Variants in SLC9A2 observed in about 807,000 individuals in gnomAD.
The protein encoded by SLC9A2 is solute carrier family 9 member A2.
Under a neutral mutation model 71.7 loss-of-function variants are expected in SLC9A2, and 42 were observed. That is an observed-to-expected ratio of 0.59 (90% confidence interval 0.46 to 0.76). SLC9A2 has a LOEUF of 0.76. Among genes scored for constraint, SLC9A2 ranks in the 30% least tolerant of loss-of-function variants. The pLI is 0.00. For missense variants in SLC9A2, 829 were observed against 1,017.4 expected (o/e 0.81, Z 2.52); for synonymous variants, 396 against 392.5 (o/e 1.01, Z -0.10).
At position 102,657,002 on chromosome 2, in the gene SLC9A2, C is replaced by T. The variant is rs535145111; in HGVS notation, c.290-562C>T. Among the ~76,000 whole-genome samples, 152 of 152,142 alleles carry T rather than the reference C, an allele frequency of 1.0e-3. 1 individual carries two copies. The highest frequency in any genetic ancestry group is 3.2e-3 in the African/African-American group (134 of 41,504). On this transcript the variant is annotated intron_variant, in intron 1 of 11. Coordinates refer to ENST00000233969, the MANE Select transcript of SLC9A2 (RefSeq NM_003048.6). ...GGCGGATCACCTGAGGTCAGAAGTT[C>T]GAGACCAGCCTGGCCAACATGGCAA...
chr2:102,701,019 A>G lies in SLC9A2; in HGVS notation c.1587-51A>G, dbSNP rs1481273421. On this transcript the variant is annotated intron_variant, in intron 7 of 11. Transcript: ENST00000233969. ...GACTTCATTGGTAAAAACAACAACTATTTTCTTAGTCAATCCAGTATTAAT... is the reference window on the plus strand; with the variant it reads ...GACTTCATTGGTAAAAACAACAACTGTTTTCTTAGTCAATCCAGTATTAAT... 8.3e-6 allele frequency: 11 copies of G among 1,322,352 alleles called. No individual in the cohort carries two copies. The African/African-American group carries it at 1.3e-4, about 16-fold the overall frequency. The allele number at this position is 1,322,352 out of a possible 1,614,324, so 81.9% of individuals were successfully genotyped here. A position where few individuals can be genotyped will look rare whatever the true frequency, so the allele number is the denominator to read the frequency against.
intron 5 of SLC9A2, 29 bp downstream of exon 5, chr2:102,684,365 G>T: frequency 6.3e-7 from 1 of 1,588,494 alleles, no homozygotes; most frequent in Non-Finnish European, 8.6e-7. Flanking sequence ...TTACCAGGAG[G>T]GTAAAAAATA....
chr2:102,693,744 T>A (rs1055582757), intron 5 of SLC9A2, among the ~76,000 whole-genome samples: 6 of 152,224 alleles, frequency 3.9e-5, no homozygotes, highest in Non-Finnish European at 8.8e-5. Context: ...ACTTTGTAAC[T>A]GTTTTCGGAA....
At chr2:102,645,383 A>C (rs981933380) in intron 1 of SLC9A2, among the ~76,000 whole-genome samples, 10 of 152,124 alleles carry the variant, frequency 6.6e-5, no homozygotes, top group Non-Finnish European at 1.2e-4. Context: ...AAAAACCAGA[A>C]TGCCTCTTCT....
At chr2:102,671,317 C>T (rs751094567) in intron 3 of SLC9A2, among the ~76,000 whole-genome samples, 2 of 152,084 alleles carry the variant, frequency 1.3e-5, no homozygotes, top group Non-Finnish European at 2.9e-5. Context: ...CAAGACTGAC[C>T]ACTTTAAAAT....
At chr2:102,663,738 C>T (rs535679444) in intron 2 of SLC9A2, among the ~76,000 whole-genome samples, 5 of 152,288 alleles carry the variant, frequency 3.3e-5, no homozygotes, top group South Asian at 2.1e-4. Flanking sequence ...CCTTATCAGT[C>T]GGTTTTCCTG....
At position 102,683,294 on chromosome 2, in the gene SLC9A2, C is replaced by T. The variant is rs759425348; in HGVS notation, c.1038C>T (p.Tyr346=). The T allele has an allele frequency of 1.9e-5, 30 of 1,613,304 alleles. No individual in the cohort carries two copies. The highest frequency in any genetic ancestry group is 1.7e-4 in the Middle Eastern group (1 of 6,060). ...CTTGTGCAATGACTATGAATAAGTA[C>T]GTAGAAGAAAATGTATCTCAGAAAT... ...ITACAMTMNK[Y]VEENVSQKSY... Residue 346 remains tyrosine, a synonymous_variant, in exon 4 of 12, where the codon TAC becomes TAT. Transcript: ENST00000233969.
At position 102,710,883 on chromosome 2, in the gene SLC9A2, T is replaced by G. The variant is rs1420877256; in HGVS notation, c.*2394T>G. 6.6e-6 allele frequency: 1 copy of G among 152,356 alleles called. No homozygotes were observed. The highest frequency in any genetic ancestry group is 6.5e-5 in the Admixed American group (1 of 15,284). The allele number at this position is 152,356 out of a possible 1,614,324, so 9.4% of individuals were successfully genotyped here. On this transcript the variant is annotated 3_prime_UTR_variant, in exon 12 of 12. Coordinates refer to ENST00000233969, the MANE Select transcript of SLC9A2 (RefSeq NM_003048.6). The stretch of plus-strand genomic sequence containing the variant: ...GTGGATCTTTGATAGGTCTTTGGTG[T>G]TGGTTGTAACAAAATTTGATTTGAA...
intron 7 of SLC9A2, among the ~76,000 whole-genome samples, chr2:102,700,566 A>G (rs1677853518): frequency 6.6e-6 from 1 of 152,244 alleles, no homozygotes; most frequent in South Asian, 2.1e-4. Flanking sequence ...CATGAGGTTC[A>G]CAGACCACTT....
chr2:102,631,331 A>C (rs940598393), intron 1 of SLC9A2, among the ~76,000 whole-genome samples: 2 of 151,198 alleles, frequency 1.3e-5, no homozygotes, highest in Non-Finnish European at 2.9e-5. Context: ...ATTTAGGACA[A>C]TGTAGCTGTT....
At chr2:102,663,645 T>G (rs1433470617) in intron 2 of SLC9A2, among the ~76,000 whole-genome samples, 1 of 152,222 alleles carries the variant, frequency 6.6e-6, no homozygotes. Flanking sequence ...ACATTTTGTG[T>G]CATTTGACCT....
chr2:102,660,243 C>T (rs1037022492), intron 2 of SLC9A2, among the ~76,000 whole-genome samples: 1 of 152,208 alleles, frequency 6.6e-6, no homozygotes, highest in African/African-American at 2.4e-5. Flanking sequence ...GAGAGCTTGT[C>T]ACTCTACTCA....
chr2:102,650,826 C>T (rs1229921053), intron 1 of SLC9A2, among the ~76,000 whole-genome samples: 1 of 152,186 alleles, frequency 6.6e-6, no homozygotes. Flanking sequence ...GCATCATACT[C>T]TGAGAAGTGA....
intron 5 of SLC9A2, among the ~76,000 whole-genome samples, chr2:102,688,718 C>A (rs1051893189): frequency 7.2e-5 from 11 of 152,110 alleles, no homozygotes; most frequent in Non-Finnish European, 1.3e-4. Flanking sequence ...CAGAGCAAGA[C>A]TCTGTCTCAA....
At chr2:102,644,143 T>G (rs541161413) in intron 1 of SLC9A2, among the ~76,000 whole-genome samples, 1 of 151,992 alleles carries the variant, frequency 6.6e-6, no homozygotes, top group South Asian at 2.1e-4. Flanking sequence ...GGTCATCTCA[T>G]TGGGACTGGT....
At chr2:102,621,212 T>C (rs936774778) in intron 1 of SLC9A2, among the ~76,000 whole-genome samples, 21 of 151,740 alleles carry the variant, frequency 1.4e-4, no homozygotes, top group Non-Finnish European at 1.3e-4. Flanking sequence ...GGTGCACATA[T>C]GTATTCCCAG....
At chr2:102,699,575 G>A (rs1223483666) in intron 7 of SLC9A2, among the ~76,000 whole-genome samples, 1 of 152,216 alleles carries the variant, frequency 6.6e-6, no homozygotes, top group African/African-American at 2.4e-5. Context: ...GATAGCATTA[G>A]ATGAGGTGGG....
chr2:102,625,773 A>G (rs1676235699), intron 1 of SLC9A2, among the ~76,000 whole-genome samples: 3 of 152,154 alleles, frequency 2.0e-5, no homozygotes, highest in Admixed American at 1.3e-4. Flanking sequence ...TAGTGCTGCA[A>G]TAAACATACG....
intron 3 of SLC9A2, among the ~76,000 whole-genome samples, chr2:102,680,822 G>A (rs1208733761): frequency 6.6e-6 from 1 of 151,934 alleles, no homozygotes; most frequent in Non-Finnish European, 1.5e-5. Context: ...AATCATAAGA[G>A]CCCTTATGAG....
Sources: gnomAD v4.1 joint callset for allele counts (sites outside exome capture counted in the v4.1 genomes callset) on GRCh38, gnomAD v4.1.1 for gene constraint, MANE v1.5 for transcripts, NCBI Gene and HGNC (gene_info 2026-07-23, HGNC 2026-07-21) for gene names.